Variants in DNAH11 observed in about 807,000 individuals in gnomAD.
DNAH11 encodes axonemal beta dynein heavy chain 11.
DNAH11 carries 442 observed loss-of-function variants against 526.0 expected under a neutral mutation model. The observed-to-expected ratio is 0.84, with a 90% CI of 0.78 to 0.91. DNAH11 has a LOEUF of 0.91. Ranked by LOEUF, DNAH11 falls within the 40% of genes least tolerant of loss-of-function variation. DNAH11 has a pLI of 0.00. For missense variants in DNAH11, 6,989 were observed against 5,448.7 expected (o/e 1.28, Z -8.90); for synonymous variants, 2,461 against 1,935.9 (o/e 1.27, Z -7.12).
intron 76 of DNAH11, among the ~76,000 whole-genome samples, chr7:21,887,792 G>A (rs112047793): frequency 6.6e-6 from 1 of 152,210 alleles, no homozygotes; most frequent in African/African-American, 2.4e-5. Flanking sequence ...CACTTTATAT[G>A]TATGATTTCT....
At position 21,892,945 on chromosome 7, in the gene DNAH11, G is replaced by A. The variant is rs183007467; in HGVS notation, c.12750+278G>A. On this transcript the variant is annotated intron_variant, in intron 77 of 81. Transcript: ENST00000409508. Reference sequence around the variant, plus strand: ...CCAAATATATGGAATCATACAGTGCGCATTCATCCATGTCTAACTCCTTTC... The same window carrying A: ...CCAAATATATGGAATCATACAGTGCACATTCATCCATGTCTAACTCCTTTC... Among the ~76,000 whole-genome samples the A allele has an allele frequency of 4.2e-4, 64 of 152,204 alleles. No individual in the cohort carries two copies. The East Asian group carries it at 5.0e-3, about 12-fold the overall frequency.
chr7:21,883,312 C>A (rs1449353083), intron 75 of DNAH11, among the ~76,000 whole-genome samples: 7 of 152,228 alleles, frequency 4.6e-5, no homozygotes, highest in Non-Finnish European at 2.9e-5. Context: ...TCATCACACA[C>A]TGGCATGTTT....
intron 75 of DNAH11, among the ~76,000 whole-genome samples, chr7:21,882,160 A>G (rs573447464): frequency 6.6e-6 from 1 of 152,148 alleles, no homozygotes; most frequent in African/African-American, 2.4e-5. Context: ...GCTGAATCCT[A>G]TACACCATTG....
In DNAH11 at chr7:21,627,176, C is replaced by T. The variant is rs1421763066; in HGVS notation, c.4500+7098C>T. Among the ~76,000 whole-genome samples the T allele has an allele frequency of 3.9e-5, 6 of 152,274 alleles. No homozygotes were observed. In the Middle Eastern group the frequency reaches 0.01, roughly 259 times the overall value. On this transcript the variant is annotated intron_variant, in intron 25 of 81. Transcript: ENST00000409508. ...TTGTATGTATTCTGGTTATTAATCC[C>T]TTATCAGATGAGTAGTTTGCAAATA...
At chr7:21,721,634 T>G (rs1784877621) in intron 44 of DNAH11, among the ~76,000 whole-genome samples, 4 of 152,154 alleles carry the variant, frequency 2.6e-5, no homozygotes, top group Non-Finnish European at 5.9e-5. Context: ...GGTTTCTCTT[T>G]TAATGAGGAC....
chr7:21,571,092 A>G lies in DNAH11; in HGVS notation c.1426-714A>G, dbSNP rs999515150. Among the ~76,000 whole-genome samples, 5 of 152,178 alleles carry G rather than the reference A, an allele frequency of 3.3e-5. No homozygotes were observed. The East Asian group carries it at 7.7e-4, about 23-fold the overall frequency. On this transcript the variant is annotated intron_variant, in intron 7 of 81. Coordinates refer to ENST00000409508, the MANE Select transcript of DNAH11 (RefSeq NM_001277115.2). The stretch of plus-strand genomic sequence containing the variant: ...AAATACCTAATGAAGGGCAGCTTAC[A>G]TATGCCTTCCTTAACAGTTTCCTGG...
intron 38 of DNAH11, 29 bp downstream of exon 38, chr7:21,704,657 G>C (rs372641972): frequency 6.3e-7 from 1 of 1,578,112 alleles, no homozygotes; most frequent in Non-Finnish European, 8.6e-7. Context: ...TTTCATGGCA[G>C]CTGTTGGGAT....
At chr7:21,832,095 A>T (rs1172621399) in intron 65 of DNAH11, among the ~76,000 whole-genome samples, 2 of 152,064 alleles carry the variant, frequency 1.3e-5, no homozygotes, top group African/African-American at 4.8e-5. Flanking sequence ...ATCTCAAAAA[A>T]AAAAAGCTTC....
intron 73 of DNAH11, among the ~76,000 whole-genome samples, chr7:21,870,025 G>A (rs1251002305): frequency 1.3e-5 from 2 of 152,132 alleles, no homozygotes; most frequent in Admixed American, 6.5e-5. Flanking sequence ...AAAGGTTCTC[G>A]TCAGTAGGCA....
chr7:21,793,345 TG>T (rs1788556248), intron 61 of DNAH11, among the ~76,000 whole-genome samples: 1 of 152,190 alleles, frequency 6.6e-6, no homozygotes, highest in African/African-American at 2.4e-5. Flanking sequence ...AGGCTGGGCG[TG>T]GTGGCTCACG....
chr7:21,726,860 C>CAAAAAAAAA lies in DNAH11; in HGVS notation c.7440+899_7440+907dup, dbSNP rs1166791175. ...TGGGCGACAGAGCAAGACTCTGTCT[C>CAAAAAAAAA]AAAAAAAAAAAAAAAAAAAAAAAAA... On this transcript the variant is annotated intron_variant, in intron 45 of 81. Coordinates refer to ENST00000409508, the MANE Select transcript of DNAH11 (RefSeq NM_001277115.2). 1.7e-3 allele frequency among the ~76,000 whole-genome samples: 24 copies of CAAAAAAAAA among 13,814 alleles called. 3 individuals carry two copies. Among genetic ancestry groups the CAAAAAAAAA allele is most frequent in the African/African-American group, 8.9e-3 (23 of 2,586 alleles). 9.1% of individuals were successfully genotyped at this position (13,814 alleles called of 152,430 possible). A position where few individuals can be genotyped will look rare whatever the true frequency, so the allele number is the denominator to read the frequency against.
Position 21,745,529 on chromosome 7 carries a change from C to T in DNAH11, c.8510+466C>T, listed in dbSNP as rs538698236. 1.1e-4 allele frequency among the ~76,000 whole-genome samples: 16 copies of T among 152,324 alleles called. No homozygotes were observed. Among genetic ancestry groups the T allele is most frequent in the Admixed American group, 6.5e-4 (10 of 15,304 alleles). ...GAGCATGGCTGACAAGGTTCTCGCT[C>T]ACCTCCTAGACCTGGTACCTCATGT... On this transcript the variant is annotated intron_variant, in intron 51 of 81. Transcript: ENST00000409508.
At chr7:21,823,818 T>G (rs964393904) in intron 65 of DNAH11, among the ~76,000 whole-genome samples, 1 of 152,226 alleles carries the variant, frequency 6.6e-6, no homozygotes, top group Non-Finnish European at 1.5e-5. Flanking sequence ...AATGTGTTAC[T>G]GAGTTGACAA....
intron 28 of DNAH11, among the ~76,000 whole-genome samples, chr7:21,644,762 A>C (rs568855207): frequency 7.9e-5 from 12 of 152,352 alleles, no homozygotes; most frequent in African/African-American, 2.9e-4. Flanking sequence ...TCTGCTTGGC[A>C]TGACTTATGA....
chr7:21,668,934 C>A (rs1023429187), intron 30 of DNAH11, among the ~76,000 whole-genome samples: 1 of 152,116 alleles, frequency 6.6e-6, no homozygotes, highest in African/African-American at 2.4e-5. Flanking sequence ...GTTAATACTA[C>A]CATGGACAAT....
chr7:21,556,535 A>T lies in DNAH11; in HGVS notation c.496-2267A>T, dbSNP rs189819933. ...CTAAACTTTTTTCTTTCCAATTTTT[A>T]TCTTAGATTCAAGGGGTGCATGTAC... On this transcript the variant is annotated intron_variant, in intron 2 of 81. Transcript: ENST00000409508. Among the ~76,000 whole-genome samples the T allele has an allele frequency of 3.1e-4, 47 of 152,276 alleles. 1 individual carries two copies. In the East Asian group the frequency reaches 9.1e-3, roughly 29 times the overall value.
At chr7:21,630,624 C>A (rs1280685717) in intron 25 of DNAH11, among the ~76,000 whole-genome samples, 1 of 152,160 alleles carries the variant, frequency 6.6e-6, no homozygotes, top group African/African-American at 2.4e-5. Context: ...TTTGTTGTTA[C>A]ATTTAGCACT....
chr7:21,609,271 A>G (rs984372219), intron 20 of DNAH11, among the ~76,000 whole-genome samples: 1 of 151,970 alleles, frequency 6.6e-6, no homozygotes, highest in African/African-American at 2.4e-5. Flanking sequence ...GCTGGAGTAC[A>G]GTGGCATGAT....
At chr7:21,703,336 T>A (rs1562498453) in intron 37 of DNAH11, 1 of 157,008 alleles carries the variant, frequency 6.4e-6, no homozygotes, top group Non-Finnish European at 1.4e-5. Context: ...AATTTTTCCC[T>A]TAAGTAGCGA....
Sources: gnomAD v4.1 joint callset for allele counts (sites outside exome capture counted in the v4.1 genomes callset) on GRCh38, gnomAD v4.1.1 for gene constraint, MANE v1.5 for transcripts, NCBI Gene and HGNC (gene_info 2026-07-23, HGNC 2026-07-21) for gene names.